The following NOL4L variants were observed in gnomAD, a reference collection of about 807,000 sequenced individuals.
The protein encoded by NOL4L is nucleolar protein 4 like, also known as nucleolar protein 4-like.
In NOL4L, 7 loss-of-function variants were observed where a neutral mutation model predicts 64.5. That is an observed-to-expected ratio of 0.11 (90% CI 0.06 to 0.20). The LOEUF is 0.20. NOL4L is among the 10% of genes least tolerant of loss of function. The pLI, the probability that NOL4L is intolerant of heterozygous loss-of-function variation, is 1.00. For missense variants in NOL4L, 680 were observed against 967.1 expected (o/e 0.70, Z 3.94); for synonymous variants, 413 against 401.0 (o/e 1.03, Z -0.36).
At chr20:32,509,827 AGGGGGCTGTGCTTCC>A (rs992794342) in intron 4 of NOL4L, 72 of 1,304,052 alleles carry the variant, frequency 5.5e-5, no homozygotes, top group Non-Finnish European at 6.9e-5. Flanking sequence ...AAACAAAACC[AGGGGGCTGTGCTTCC>A]GGCTGTTTGT....
chr20:32,531,860 A>G (rs1470164472), intron 1 of NOL4L, among the ~76,000 whole-genome samples: 1 of 152,202 alleles, frequency 6.6e-6, no homozygotes. Context: ...TGACGCGTCC[A>G]GAGGGGACCC....
intron 1 of NOL4L, among the ~76,000 whole-genome samples, chr20:32,574,896 C>A (rs1568722017): frequency 6.6e-6 from 1 of 152,094 alleles, no homozygotes; most frequent in Admixed American, 6.5e-5. Context: ...CAGATCTGCA[C>A]CCCGGTTTCC....
At chr20:32,546,009 C>T (rs2018728200) in intron 1 of NOL4L, among the ~76,000 whole-genome samples, 1 of 149,672 alleles carries the variant, frequency 6.7e-6, no homozygotes, top group Admixed American at 6.7e-5. Flanking sequence ...AATGCAGTGG[C>T]ATGATCTTGG....
intron 4 of NOL4L, among the ~76,000 whole-genome samples, chr20:32,486,968 A>G (rs1407232743): frequency 2.0e-5 from 3 of 152,202 alleles, no homozygotes; most frequent in Non-Finnish European, 4.4e-5. Flanking sequence ...TCTAAACGAT[A>G]AGATGAAAGA....
chr20:32,562,007 A>G (rs1172954073), intron 1 of NOL4L, among the ~76,000 whole-genome samples: 1 of 152,120 alleles, frequency 6.6e-6, no homozygotes, highest in Non-Finnish European at 1.5e-5. Flanking sequence ...AAACAAATAA[A>G]TAAATAAAAT....
chr20:32,546,617 A>C (rs959793356), intron 1 of NOL4L, among the ~76,000 whole-genome samples: 5 of 152,128 alleles, frequency 3.3e-5, no homozygotes, highest in Non-Finnish European at 5.9e-5. Flanking sequence ...TTGTATTTTT[A>C]GTAGAGACAG....
chr20:32,540,499 C>T (rs1301579058), intron 1 of NOL4L, among the ~76,000 whole-genome samples: 1 of 152,206 alleles, frequency 6.6e-6, no homozygotes, highest in Non-Finnish European at 1.5e-5. Flanking sequence ...CACATGTACA[C>T]GGGAATCTTC....
chr20:32,584,102 C>T (rs1013776146), intron 1 of NOL4L, among the ~76,000 whole-genome samples: 3 of 141,430 alleles, frequency 2.1e-5, no homozygotes, highest in African/African-American at 7.7e-5. Context: ...CCCTCCCCCC[C>T]CCCCACCCCG....
At position 32,490,811 on chromosome 20, in the gene NOL4L, G is replaced by A. The variant is rs569790486; in HGVS notation, c.700-16069C>T. Among the ~76,000 whole-genome samples, 29 of 152,210 alleles carry A rather than the reference G, an allele frequency of 1.9e-4. No homozygotes were observed. In the East Asian group the frequency reaches 2.9e-3, roughly 15 times the overall value. On this transcript the variant is annotated intron_variant, in intron 4 of 10. Coordinates refer to ENST00000621426, the MANE Select transcript of NOL4L (RefSeq NM_001256798.2). ...GTCATCAGTTAATTCTGGTCATGTC[G>A]CTCTCCTATTCCAAAACCTTCAATA... is the stretch of plus-strand genomic sequence containing the variant.
At chr20:32,484,603 G>A (rs2015970488) in intron 4 of NOL4L, among the ~76,000 whole-genome samples, 1 of 152,000 alleles carries the variant, frequency 6.6e-6, no homozygotes, top group Non-Finnish European at 1.5e-5. Context: ...CCCCGCCGCC[G>A]GTCATTGTGC....
chr20:32,537,827 G>A (rs1263218665), intron 1 of NOL4L, among the ~76,000 whole-genome samples: 1 of 151,860 alleles, frequency 6.6e-6, no homozygotes, highest in Non-Finnish European at 1.5e-5. Context: ...AGCCCAGGAG[G>A]GAGTGCAATG....
rs140737870 is a variant in NOL4L, at chr20:32,543,717, G to A, written c.322-15804C>T. 6.8e-3 allele frequency among the ~76,000 whole-genome samples: 1,034 copies of A among 152,170 alleles called. 5 individuals are homozygous for A. The highest frequency in any genetic ancestry group is 0.012 in the South Asian group (56 of 4,820). On this transcript the variant is annotated intron_variant, in intron 1 of 10. Coordinates refer to ENST00000621426, the MANE Select transcript of NOL4L (RefSeq NM_001256798.2). ...AGGCACAATAACCACTTGAACCCAG[G>A]AGGTGGAGGTTGCAGTGAGCCGAGA...
At chr20:32,476,329 A>G (rs1459226980) in intron 4 of NOL4L, among the ~76,000 whole-genome samples, 1 of 152,060 alleles carries the variant, frequency 6.6e-6, no homozygotes, top group Non-Finnish European at 1.5e-5. Flanking sequence ...GGGGGAAGAG[A>G]GGCTGGCAGG....
At chr20:32,498,029 G>A (rs746622544) in intron 4 of NOL4L, among the ~76,000 whole-genome samples, 14 of 152,332 alleles carry the variant, frequency 9.2e-5, no homozygotes, top group Non-Finnish European at 7.4e-5. Context: ...AAGTTGAAAG[G>A]CCACCTTGGC....
In NOL4L at chr20:32,541,851, T is replaced by C. The variant is rs558466205; in HGVS notation, c.322-13938A>G. 3.3e-5 allele frequency among the ~76,000 whole-genome samples: 5 copies of C among 152,392 alleles called. No homozygotes were observed. The East Asian group carries it at 9.6e-4, about 29-fold the overall frequency. ...GACAATTTAGATGGAGTGATTGTAA[T>C]TGGCTTTTCAATGGGGGTTTTGTCC... On this transcript the variant is annotated intron_variant, in intron 1 of 10. Transcript: ENST00000621426.
chr20:32,498,521 A>G (rs2016785873), intron 4 of NOL4L, among the ~76,000 whole-genome samples: 1 of 151,762 alleles, frequency 6.6e-6, no homozygotes, highest in Admixed American at 6.6e-5. Context: ...CCAGCACTTT[A>G]GGAGGCCAAA....
intron 2 of NOL4L, among the ~76,000 whole-genome samples, chr20:32,525,947 A>T (rs958349134): frequency 1.3e-5 from 2 of 152,084 alleles, no homozygotes; most frequent in African/African-American, 4.8e-5. Flanking sequence ...TAATAGAGGT[A>T]GGGTTTTGCC....
At chr20:32,521,276 G>A (rs897153014) in intron 2 of NOL4L, among the ~76,000 whole-genome samples, 7 of 152,144 alleles carry the variant, frequency 4.6e-5, no homozygotes, top group Admixed American at 4.6e-4. Flanking sequence ...CGTAGGGTGA[G>A]CAGTTCCCCT....
At chr20:32,457,235 A>ACCCAGCCCCAGC (rs1215266443) in intron 5 of NOL4L, among the ~76,000 whole-genome samples, 3 of 152,028 alleles carry the variant, frequency 2.0e-5, no homozygotes, top group Admixed American at 1.3e-4. Context: ...CTCTCTGCCC[A>ACCCAGCCCCAGC]CCCAGCCCCA....
Sources: gnomAD v4.1 joint callset for allele counts (sites outside exome capture counted in the v4.1 genomes callset) on GRCh38, gnomAD v4.1.1 for gene constraint, MANE v1.5 for transcripts, NCBI Gene and HGNC (gene_info 2026-07-23, HGNC 2026-07-21) for gene names.